Variants in ALDH1A1 observed in about 807,000 individuals in gnomAD.
ALDH1A1 encodes aldehyde dehydrogenase 1 family member A1.
Under a neutral mutation model 62.1 loss-of-function variants are expected in ALDH1A1, and 19 were observed. That is an observed-to-expected ratio of 0.31 (90% CI 0.21 to 0.45). The LOEUF (loss-of-function observed/expected upper bound fraction) is 0.45, where lower values mean the gene tolerates loss of function less well. Among genes scored for constraint, ALDH1A1 ranks in the 20% least tolerant of loss-of-function variants. The probability of loss-of-function intolerance (pLI) is 1.00; values close to 1 mark genes in which losing one functional copy is unlikely to be tolerated. For synonymous variants in ALDH1A1, 231 were observed against 215.9 expected (o/e 1.07, Z -0.61); for missense variants, 521 against 607.1 (o/e 0.86, Z 1.49).
intron 1 of ALDH1A1, among the ~76,000 whole-genome samples, chr9:72,942,789 C>A (rs2118572414): frequency 6.6e-6 from 1 of 152,202 alleles, no homozygotes; most frequent in Admixed American, 6.6e-5. Context: ...CCACTATTTT[C>A]TTCTATTTTT....
intron 2 of ALDH1A1, among the ~76,000 whole-genome samples, chr9:72,932,118 C>A (rs946553885): frequency 6.6e-6 from 1 of 152,192 alleles, no homozygotes; most frequent in Non-Finnish European, 1.5e-5. Context: ...AGGAATATAT[C>A]ATTCCAGTGT....
chr9:72,918,766 C>T lies in ALDH1A1; in HGVS notation c.804G>A (p.Leu268=). The part of the protein sequence containing the change: ...AGKSNLKRVT[L]ELGGKSPCIV... ...TGCAAGGGCTCTTTCCTCCAAGCTC[C>T]AGGGTCACCCTCTTCAGATTGCTTT... Residue 268 remains leucine, a synonymous_variant, in exon 8 of 13, where the codon CTG becomes CTA. Transcript: ENST00000297785. The T allele has an allele frequency of 6.2e-7, 1 of 1,613,982 alleles. No individual in the cohort carries two copies. Among genetic ancestry groups the T allele is most frequent in the Non-Finnish European group, 8.5e-7 (1 of 1,179,968 alleles).
chr9:72,916,217 A>G, intron 9 of ALDH1A1, among the ~76,000 whole-genome samples: 1 of 152,142 alleles, frequency 6.6e-6, no homozygotes, highest in Non-Finnish European at 1.5e-5. Flanking sequence ...GTTTAGAATC[A>G]CTGCTCTAGA....
chr9:72,931,646 ACTTTG>A (rs1320883403), intron 2 of ALDH1A1, among the ~76,000 whole-genome samples: 2 of 152,222 alleles, frequency 1.3e-5, no homozygotes, highest in African/African-American at 4.8e-5. Context: ...GTGAATAAGA[ACTTTG>A]CTTTGCTGTT....
Position 72,930,968 on chromosome 9 carries a change from A to C in ALDH1A1, c.223T>G (p.Ser75Ala). 1 of 1,614,036 alleles carries C rather than the reference A, an allele frequency of 6.2e-7. No individual in the cohort carries two copies. The change falls in exon 3 of 13, where the codon TCC becomes GCC. Residue 75 changes from serine to alanine, a missense_variant. Coordinates refer to ENST00000297785, the MANE Select transcript of ALDH1A1 (RefSeq NM_000689.5). ...GAAGCATCCATAGTACGCCACGGGGATCCAATCTGAAAAGCCTGTCTTGCG... is the reference window on the plus strand; with the variant it reads ...GAAGCATCCATAGTACGCCACGGGGCTCCAATCTGAAAAGCCTGTCTTGCG... ...KAARQAFQIG[S>A]PWRTMDASER...
intron 12 of ALDH1A1, 132 bp downstream of exon 12, chr9:72,905,826 T>C: frequency 1.5e-6 from 1 of 674,738 alleles, no homozygotes; most frequent in Non-Finnish European, 2.5e-6. Context: ...TAATAAGCTA[T>C]TTGGTGCTAT....
At chr9:72,948,175 A>C (rs963191207) in intron 1 of ALDH1A1, among the ~76,000 whole-genome samples, 2 of 151,960 alleles carry the variant, frequency 1.3e-5, no homozygotes, top group Non-Finnish European at 2.9e-5. Flanking sequence ...AATTGAAGCC[A>C]GGTTTAGCTT....
At chr9:72,941,141 G>T (rs532842322) in intron 1 of ALDH1A1, among the ~76,000 whole-genome samples, 1 of 152,058 alleles carries the variant, frequency 6.6e-6, no homozygotes, top group Admixed American at 6.6e-5. Context: ...ATTCTATTTT[G>T]AATCAGAGGT....
chr9:72,952,668 G>A (rs1026428006), intron 1 of ALDH1A1, among the ~76,000 whole-genome samples: 1 of 151,908 alleles, frequency 6.6e-6, no homozygotes, highest in African/African-American at 2.4e-5. Flanking sequence ...AAAGTCCTCT[G>A]AATCCTGGTA....
Position 72,918,796 on chromosome 9 carries a change from G to C in ALDH1A1, c.774C>G (p.Ala258=), listed in dbSNP as rs1341139577. 1.2e-6 allele frequency: 2 copies of C among 1,613,790 alleles called. No homozygotes were observed. The highest frequency in any genetic ancestry group is 8.5e-7 in the Non-Finnish European group (1 of 1,179,896). Residue 258 remains alanine, a synonymous_variant, in exon 8 of 13, where the codon GCC becomes GCG. Coordinates refer to ENST00000297785, the MANE Select transcript of ALDH1A1 (RefSeq NM_000689.5). ...TEVGKLIKEA[A]GKSNLKRVTL... is the part of the protein sequence containing the mutation. ...TCACCCTCTTCAGATTGCTTTTCCC[G>C]GCAGCTTCTTTGATCAACTTGCCAA...
intron 3 of ALDH1A1, among the ~76,000 whole-genome samples, chr9:72,929,838 A>C (rs1313568676): frequency 6.6e-6 from 1 of 152,164 alleles, no homozygotes; most frequent in Non-Finnish European, 1.5e-5. Context: ...TTTTCTCTCT[A>C]TAGGATCTTA....
intron 9 of ALDH1A1, among the ~76,000 whole-genome samples, chr9:72,912,948 G>A (rs1458957380): frequency 1.3e-5 from 2 of 152,096 alleles, no homozygotes; most frequent in African/African-American, 4.8e-5. Context: ...TGAATAACTG[G>A]GTGACTCTTG....
intron 1 of ALDH1A1, chr9:72,942,344 C>T: frequency 2.0e-6 from 2 of 985,310 alleles, no homozygotes; most frequent in Non-Finnish European, 2.4e-6. Flanking sequence ...TGCTCTCACC[C>T]CAAAGTTCTG....
chr9:72,906,242 A>C (rs1449321671), intron 11 of ALDH1A1, among the ~76,000 whole-genome samples: 1 of 152,168 alleles, frequency 6.6e-6, no homozygotes, highest in African/African-American at 2.4e-5. Flanking sequence ...TAGTGCAACT[A>C]TATATATGGA....
rs8187874 is a variant in ALDH1A1, at chr9:72,950,576, A to C, written c.66+2359T>G. Reference sequence around the variant, plus strand: ...AGTCATAAAAACATATGCATCAATAAATTCTTTTGTTTGGGTGAAAAGCAG... The same window carrying C: ...AGTCATAAAAACATATGCATCAATACATTCTTTTGTTTGGGTGAAAAGCAG... On this transcript the variant is annotated intron_variant, in intron 1 of 12. Transcript: ENST00000297785. Among the ~76,000 whole-genome samples the C allele has an allele frequency of 7.3e-3, 1,111 of 152,008 alleles. 9 individuals are homozygous for C. Among genetic ancestry groups the C allele is most frequent in the Middle Eastern group, 0.02 (6 of 294 alleles).
At chr9:72,939,938 C>T (rs752410308) in intron 2 of ALDH1A1, among the ~76,000 whole-genome samples, 1 of 151,300 alleles carries the variant, frequency 6.6e-6, no homozygotes, top group Non-Finnish European at 1.5e-5. Context: ...CACCATGACA[C>T]CCAGAAGCAC....
chr9:72,921,812 A>G (rs2118524617), intron 7 of ALDH1A1, among the ~76,000 whole-genome samples: 1 of 152,088 alleles, frequency 6.6e-6, no homozygotes, highest in East Asian at 1.9e-4. Flanking sequence ...CAAGAGAGAG[A>G]GACACATAAG....
In ALDH1A1 at chr9:72,909,670, T is replaced by A. The variant is rs757886082; in HGVS notation, c.1290A>T (p.Ala430=). 8.1e-6 allele frequency: 13 copies of A among 1,613,910 alleles called. No individual in the cohort carries two copies. In the East Asian group the frequency reaches 2.9e-4, roughly 36 times the overall value. The change falls in exon 11 of 13, where the codon GCA becomes GCT. Residue 430 remains alanine (A), a synonymous_variant. Transcript: ENST00000297785. ...RANNTFYGLS[A]GVFTKDIDKA... ...TATCAATGTCTTTGGTAAACACTCC[T>A]GCTGATAAGCCATAGAAAGTATTGT... is the stretch of plus-strand genomic sequence containing the variant.
intron 1 of ALDH1A1, chr9:72,942,408 T>G: frequency 4.1e-6 from 4 of 978,366 alleles, no homozygotes; most frequent in Non-Finnish European, 4.9e-6. Context: ...ACTTTCCTTC[T>G]TCTGTTAATG....
Sources: gnomAD v4.1 joint callset for allele counts (sites outside exome capture counted in the v4.1 genomes callset) on GRCh38, gnomAD v4.1.1 for gene constraint, MANE v1.5 for transcripts, NCBI Gene and HGNC (gene_info 2026-07-23, HGNC 2026-07-21) for gene names.